Variants in POFUT3 observed in about 807,000 individuals in gnomAD.
POFUT3 encodes GDP-fucose protein O-fucosyltransferase 3.
chr8:33,348,737 C>G, the POFUT3 span, among the ~76,000 whole-genome samples: 1 of 152,036 alleles, frequency 6.6e-6, no homozygotes, highest in Non-Finnish European at 1.5e-5. Context: ...AAAACAGAGT[C>G]TACAAAGATT....
chr8:33,319,664 T>A, the POFUT3 span, among the ~76,000 whole-genome samples: 1 of 2,658 alleles, frequency 3.8e-4, no homozygotes, highest in Non-Finnish European at 1.1e-3. Context: ...AATATATATA[T>A]TTTATATATA....
At chr8:33,392,516 T>A in the POFUT3 span, among the ~76,000 whole-genome samples, 2 of 151,670 alleles carry the variant, frequency 1.3e-5, no homozygotes, top group Non-Finnish European at 2.9e-5. Context: ...GACGCAGAGG[T>A]TGCAGTGAGC....
the POFUT3 span, among the ~76,000 whole-genome samples, chr8:33,455,463 G>A: frequency 6.6e-6 from 1 of 152,158 alleles, no homozygotes; most frequent in East Asian, 1.9e-4. Flanking sequence ...GTTCAAGGCT[G>A]CAGTGCGGTA....
the POFUT3 span, among the ~76,000 whole-genome samples, chr8:33,323,355 G>A: frequency 3.3e-5 from 5 of 152,286 alleles, no homozygotes; most frequent in East Asian, 1.9e-4. Flanking sequence ...ATGACAGTGC[G>A]TTGCACTGCA....
the POFUT3 span, among the ~76,000 whole-genome samples, chr8:33,308,972 G>A: frequency 2.7e-5 from 4 of 150,042 alleles, no homozygotes; most frequent in African/African-American, 7.4e-5. Context: ...GTCTGGTGGC[G>A]AATCCTCCAT....
chr8:33,376,951 T>C, the POFUT3 span, among the ~76,000 whole-genome samples: 34 of 152,172 alleles, frequency 2.2e-4, no homozygotes, highest in Non-Finnish European at 1.8e-4. Context: ...GAATTGACTA[T>C]AAAGGCCGGG....
At chr8:33,417,541 TG>T in the POFUT3 span, among the ~76,000 whole-genome samples, 5 of 151,734 alleles carry the variant, frequency 3.3e-5, no homozygotes, top group Non-Finnish European at 7.4e-5. Context: ...ATGTGGGAAC[TG>T]GGAAACAGGG....
At chr8:33,447,284 C>T in the POFUT3 span, among the ~76,000 whole-genome samples, 1 of 152,022 alleles carries the variant, frequency 6.6e-6, no homozygotes, top group East Asian at 1.9e-4. Context: ...CCCGTCTCTA[C>T]TAAAAATACA....
the POFUT3 span, chr8:33,453,179 A>T: frequency 6.3e-7 from 1 of 1,598,530 alleles, no homozygotes; most frequent in Non-Finnish European, 8.6e-7. Flanking sequence ...GAGGAAGACC[A>T]CAGCAAACAA....
the POFUT3 span, chr8:33,436,206 G>A: frequency 7.3e-5 from 94 of 1,287,960 alleles, no homozygotes; most frequent in South Asian, 8.8e-5. Flanking sequence ...AGCCGAGAAC[G>A]TCCCAGAGAC....
the POFUT3 span, among the ~76,000 whole-genome samples, chr8:33,416,907 C>T: frequency 2.0e-5 from 3 of 151,576 alleles, no homozygotes; most frequent in African/African-American, 7.2e-5. Flanking sequence ...GCCTCAAATT[C>T]TAATCTTCCT....
chr8:33,432,604 T>A, the POFUT3 span, among the ~76,000 whole-genome samples: 1 of 152,160 alleles, frequency 6.6e-6, no homozygotes, highest in Non-Finnish European at 1.5e-5. Flanking sequence ...GTATTAGAGC[T>A]GGATCTCAAA....
At chr8:33,462,104 G>A in the POFUT3 span, among the ~76,000 whole-genome samples, 1 of 7,336 alleles carries the variant, frequency 1.4e-4, no homozygotes, top group South Asian at 5.2e-3. Context: ...AGGTTGCAGT[G>A]AGTAGCCTGG....
the POFUT3 span, among the ~76,000 whole-genome samples, chr8:33,472,628 G>A: frequency 6.6e-6 from 1 of 152,200 alleles, no homozygotes; most frequent in African/African-American, 2.4e-5. Flanking sequence ...GGGAAGACCT[G>A]GGGGAGAACA....
chr8:33,405,995 G>C, the POFUT3 span, among the ~76,000 whole-genome samples: 56,454 of 151,682 alleles, frequency 0.37, 11,215 homozygotes, highest in South Asian at 0.51. Flanking sequence ...GTAGTACGTA[G>C]TAAATTTTTA....
At chr8:33,365,389 A>C in the POFUT3 span, among the ~76,000 whole-genome samples, 5 of 152,354 alleles carry the variant, frequency 3.3e-5, 1 homozygote, top group African/African-American at 9.6e-5. Context: ...CAATGGCAAC[A>C]AAAGCCAAAA....
chr8:33,389,405 T>A, the POFUT3 span: 2 of 1,614,200 alleles, frequency 1.2e-6, no homozygotes, highest in Middle Eastern at 3.3e-4. Flanking sequence ...GGCTGGATTT[T>A]TCAGCTGCTG....
the POFUT3 span, among the ~76,000 whole-genome samples, chr8:33,437,132 G>A: frequency 6.6e-6 from 1 of 152,168 alleles, no homozygotes; most frequent in South Asian, 2.1e-4. Context: ...ATTCCACGGT[G>A]TATATGAAGA....
At chr8:33,471,860 G>GGAA in the POFUT3 span, among the ~76,000 whole-genome samples, 1 of 152,154 alleles carries the variant, frequency 6.6e-6, no homozygotes, top group Non-Finnish European at 1.5e-5. Flanking sequence ...TTTCGAAATT[G>GGAA]GAAGACCTGA....
Sources: gnomAD v4.1 joint callset for allele counts (sites outside exome capture counted in the v4.1 genomes callset) on GRCh38, gnomAD v4.1.1 for gene constraint, MANE v1.5 for transcripts, NCBI Gene and HGNC (gene_info 2026-07-23, HGNC 2026-07-21) for gene names.